Variants in CDH8 observed in about 807,000 individuals in gnomAD.
CDH8 encodes cadherin-8.
In CDH8, 17 loss-of-function variants were observed where a neutral mutation model predicts 68.1. The ratio of observed to expected loss-of-function variants is 0.25; its 90% CI spans 0.17 to 0.37. The LOEUF (loss-of-function observed/expected upper bound fraction) is 0.37, where lower values mean the gene tolerates loss of function less well. Among genes scored for constraint, CDH8 ranks in the 10% least tolerant of loss-of-function variants. CDH8 has a pLI of 1.00. For missense variants in CDH8, 763 were observed against 999.3 expected, an observed-to-expected ratio of 0.76 and a Z score of 3.19; for synonymous variants, 372 against 365.1, an observed-to-expected ratio of 1.02 and a Z score of -0.21.
chr16:61,985,115 T>G (rs569983523), intron 2 of CDH8, among the ~76,000 whole-genome samples: 17 of 143,744 alleles, frequency 1.2e-4, no homozygotes, highest in East Asian at 4.5e-4. Flanking sequence ...AGAATGTCGG[T>G]TTTTTTTTTT....
chr16:61,894,922 T>G (rs1963843630), intron 3 of CDH8, among the ~76,000 whole-genome samples: 1 of 152,154 alleles, frequency 6.6e-6, no homozygotes, highest in South Asian at 2.1e-4. Flanking sequence ...TGGTGGAGCA[T>G]GCATTCCTCT....
At chr16:61,840,900 T>C (rs552343702) in intron 4 of CDH8, among the ~76,000 whole-genome samples, 6 of 152,234 alleles carry the variant, frequency 3.9e-5, no homozygotes, top group African/African-American at 4.8e-5. Context: ...CTGCATGTCC[T>C]GCACATGTAT....
chr16:61,837,762 G>A (rs949772353), intron 4 of CDH8, among the ~76,000 whole-genome samples: 4 of 151,978 alleles, frequency 2.6e-5, no homozygotes, highest in Admixed American at 1.3e-4. Context: ...TGGTCCTTAC[G>A]CACATAGACC....
intron 3 of CDH8, among the ~76,000 whole-genome samples, chr16:61,873,854 G>A (rs1172369708): frequency 3.3e-5 from 5 of 152,244 alleles, no homozygotes; most frequent in South Asian, 2.1e-4. Flanking sequence ...TCAGGAGTTC[G>A]AGACCAGCCT....
intron 8 of CDH8, among the ~76,000 whole-genome samples, chr16:61,730,669 G>A (rs1001079720): frequency 6.6e-6 from 1 of 151,490 alleles, no homozygotes; most frequent in African/African-American, 2.4e-5. Context: ...TTATTTAGTT[G>A]TAGATATTTC....
intron 2 of CDH8, among the ~76,000 whole-genome samples, chr16:61,949,070 C>T (rs1964845287): frequency 6.6e-6 from 1 of 152,146 alleles, no homozygotes; most frequent in Admixed American, 6.5e-5. Context: ...AATGAAGAAA[C>T]ATATTACAAT....
intron 4 of CDH8, among the ~76,000 whole-genome samples, chr16:61,841,951 G>A (rs1962692420): frequency 6.6e-6 from 1 of 151,952 alleles, no homozygotes; most frequent in African/African-American, 2.4e-5. Flanking sequence ...GCAGTGGCAC[G>A]ATCTCGGTTC....
chr16:61,821,217 T>G, intron 5 of CDH8, 104 bp from the exon 6 acceptor site: 1 of 709,240 alleles, frequency 1.4e-6, no homozygotes. Flanking sequence ...GGCATTCCTA[T>G]AGATGCTACC....
intron 3 of CDH8, among the ~76,000 whole-genome samples, chr16:61,899,831 GACACAC>G (rs35171683): frequency 0.027 from 4,014 of 147,260 alleles, 160 homozygotes; most frequent in African/African-American, 0.09. Flanking sequence ...ATGTTATAAA[GACACAC>G]ACACACACAC....
chr16:62,032,581 C>A (rs947578764), intron 1 of CDH8, among the ~76,000 whole-genome samples: 2 of 152,126 alleles, frequency 1.3e-5, no homozygotes, highest in East Asian at 3.9e-4. Flanking sequence ...TGACTGAAAC[C>A]AGTTTCAGCA....
chr16:61,845,141 G>GTC (rs1486564637), intron 4 of CDH8, among the ~76,000 whole-genome samples: 5 of 152,102 alleles, frequency 3.3e-5, no homozygotes, highest in Non-Finnish European at 4.4e-5. Context: ...CTGACACATA[G>GTC]TAAGTCTTTT....
intron 2 of CDH8, among the ~76,000 whole-genome samples, chr16:61,966,211 A>G (rs1231035199): frequency 6.6e-6 from 1 of 152,118 alleles, no homozygotes; most frequent in Non-Finnish European, 1.5e-5. Flanking sequence ...TTTGAGAGGA[A>G]CCCAACTTGT....
chr16:61,714,345 G>T (rs1596891808), intron 9 of CDH8: 1 of 195,144 alleles, frequency 5.1e-6, no homozygotes, highest in Non-Finnish European at 1.0e-5. Context: ...GGATCTTTGA[G>T]GTAAATGGCT....
intron 10 of CDH8, among the ~76,000 whole-genome samples, chr16:61,674,187 A>T (rs1322357488): frequency 6.6e-6 from 1 of 152,024 alleles, no homozygotes; most frequent in African/African-American, 2.4e-5. Context: ...TCTACCCTAA[A>T]CCTGTTGTTA....
At chr16:61,821,183 C>G in intron 5 of CDH8, 70 bp from the exon 6 acceptor site, 1 of 1,245,578 alleles carries the variant, frequency 8.0e-7, no homozygotes, top group South Asian at 1.5e-5. Context: ...TGGCAAATAT[C>G]TTTTGGGCAC....
intron 8 of CDH8, among the ~76,000 whole-genome samples, chr16:61,757,699 G>A (rs952038404): frequency 5.9e-5 from 9 of 152,088 alleles, no homozygotes; most frequent in Non-Finnish European, 8.8e-5. Context: ...CCATGGAGAA[G>A]CCCAAACTCT....
chr16:61,697,872 T>C (rs1020513512), intron 10 of CDH8, among the ~76,000 whole-genome samples: 3 of 152,024 alleles, frequency 2.0e-5, no homozygotes, highest in Admixed American at 6.6e-5. Context: ...ATTAGAGAAA[T>C]AGGAAAAACG....
chr16:61,802,873 C>A (rs1305917609), intron 7 of CDH8, among the ~76,000 whole-genome samples: 3 of 114,424 alleles, frequency 2.6e-5, no homozygotes, highest in African/African-American at 1.1e-4. Flanking sequence ...GAGAATGGAA[C>A]CAAGTTGGAA....
At chr16:61,948,340 A>T (rs1245443427) in intron 2 of CDH8, among the ~76,000 whole-genome samples, 2 of 152,200 alleles carry the variant, frequency 1.3e-5, no homozygotes, top group East Asian at 1.9e-4. Flanking sequence ...TTGAGAACAC[A>T]GCCAAAATCT....
Sources: allele counts gnomAD v4.1 joint callset (sites outside exome capture counted in the v4.1 genomes callset), GRCh38; gene constraint gnomAD v4.1.1; transcripts MANE v1.5; gene names NCBI Gene and HGNC (gene_info 2026-07-23, HGNC 2026-07-21).